The following CCSER1 variants were observed in gnomAD, a reference collection of about 807,000 sequenced individuals.
The protein encoded by CCSER1 is serine-rich coiled-coil domain-containing protein 1.
Under a neutral mutation model 82.0 loss-of-function variants are expected in CCSER1, and 41 were observed. The ratio of observed to expected loss-of-function variants is 0.50; its 90% CI spans 0.39 to 0.65. CCSER1 has a LOEUF of 0.65. Among genes scored for constraint, CCSER1 ranks in the 30% least tolerant of loss-of-function variants. The probability of loss-of-function intolerance (pLI) is 0.00; values close to 1 mark genes in which losing one functional copy is unlikely to be tolerated. For synonymous variants in CCSER1, 414 were observed against 383.9 expected (o/e 1.08, Z -0.92); for missense variants, 1,119 against 1,064.2 (o/e 1.05, Z -0.72).
chr4:90,697,286 A>T (rs542388346), intron 6 of CCSER1, among the ~76,000 whole-genome samples: 1 of 152,190 alleles, frequency 6.6e-6, no homozygotes, highest in Admixed American at 6.6e-5. Flanking sequence ...ATTATACATC[A>T]AAAGTTTCAG....
At chr4:91,013,047 G>A (rs1343529314) in intron 9 of CCSER1, among the ~76,000 whole-genome samples, 1 of 134,348 alleles carries the variant, frequency 7.4e-6, no homozygotes. Flanking sequence ...CTCCTTTGAT[G>A]TACTCCAGTG....
chr4:91,228,055 G>A (rs534038177), intron 10 of CCSER1, among the ~76,000 whole-genome samples: 1 of 152,006 alleles, frequency 6.6e-6, no homozygotes, highest in Admixed American at 6.6e-5. Context: ...AACCACTCTT[G>A]TACTTGACCA....
chr4:91,040,178 A>ACACAT (rs1741839718), intron 9 of CCSER1, among the ~76,000 whole-genome samples: 2 of 152,216 alleles, frequency 1.3e-5, no homozygotes, highest in Non-Finnish European at 2.9e-5. Flanking sequence ...GCTGTGTCTG[A>ACACAT]GAATATCTTA....
intron 1 of CCSER1, among the ~76,000 whole-genome samples, chr4:90,140,657 C>CTTTT (rs34194245): frequency 4.7e-5 from 3 of 63,602 alleles, no homozygotes; most frequent in African/African-American, 6.8e-5. Flanking sequence ...TTTTGGTCTA[C>CTTTT]TTTTTTTTTT....
At chr4:90,820,113 CTT>C (rs1561194788) in intron 8 of CCSER1, among the ~76,000 whole-genome samples, 3 of 152,138 alleles carry the variant, frequency 2.0e-5, no homozygotes, top group African/African-American at 7.2e-5. Context: ...GGGGCCTTAG[CTT>C]TCTTTACTTG....
At chr4:90,551,706 C>CTCTCTCTCTCTCTATATATATATATATA in intron 5 of CCSER1, among the ~76,000 whole-genome samples, 8 of 104,234 alleles carry the variant, frequency 7.7e-5, no homozygotes, top group African/African-American at 2.7e-4. Flanking sequence ...CTCTCTCTCT[C>CTCTCTCTCTCTCTATATATATATATATA]TATATATATA....
intron 10 of CCSER1, among the ~76,000 whole-genome samples, chr4:91,562,156 G>T (rs1211130415): frequency 6.6e-6 from 1 of 151,248 alleles, no homozygotes; most frequent in African/African-American, 2.4e-5. Context: ...ATTTTCTTTT[G>T]TCAATCACTG....
chr4:90,325,145 T>C (rs1457216795), intron 3 of CCSER1, among the ~76,000 whole-genome samples: 3 of 152,224 alleles, frequency 2.0e-5, no homozygotes, highest in Non-Finnish European at 4.4e-5. Flanking sequence ...CTTGCCTGAA[T>C]ATTTGTTCAG....
rs556576595 is a variant in CCSER1 at position 91,221,980 on chromosome 4, A to T, written c.2217+135986A>T. On this transcript the variant is annotated intron_variant, in intron 10 of 10. Transcript: ENST00000509176. Reference sequence around the variant, plus strand: ...GTTTTACTATAACTGAATATTCTGAATCTATTAAATATATTCTCTAATGCA... The same window carrying T: ...GTTTTACTATAACTGAATATTCTGATTCTATTAAATATATTCTCTAATGCA... Among the ~76,000 whole-genome samples the T allele has an allele frequency of 2.0e-4, 31 of 152,222 alleles. 1 individual carries two copies. The South Asian group carries it at 6.0e-3, about 30-fold the overall frequency.
intron 10 of CCSER1, among the ~76,000 whole-genome samples, chr4:91,271,502 G>A (rs1170777255): frequency 6.6e-6 from 1 of 152,052 alleles, no homozygotes; most frequent in African/African-American, 2.4e-5. Flanking sequence ...CCACTTATGA[G>A]TGAGAACATA....
At chr4:91,390,061 AT>A (rs1307800512) in intron 10 of CCSER1, among the ~76,000 whole-genome samples, 1 of 151,838 alleles carries the variant, frequency 6.6e-6, no homozygotes, top group Non-Finnish European at 1.5e-5. Context: ...CGTATGTTTT[AT>A]TTCCTTTCCA....
chr4:91,342,852 G>C (rs928028174), intron 10 of CCSER1, among the ~76,000 whole-genome samples: 8 of 151,828 alleles, frequency 5.3e-5, no homozygotes, highest in Non-Finnish European at 4.4e-5. Flanking sequence ...GTTTTATTTG[G>C]TTTCTTTACA....
intron 6 of CCSER1, among the ~76,000 whole-genome samples, chr4:90,691,610 A>C (rs11930577): frequency 7.2e-6 from 1 of 139,340 alleles, no homozygotes; most frequent in African/African-American, 2.5e-5. Flanking sequence ...TGTATATATC[A>C]CATGTATATA....
At position 91,601,943 on chromosome 4, in the gene CCSER1, A is replaced by G. The variant is rs1202246167; in HGVS notation, c.*2886A>G. ...TATGAACTCAATGATTTTTTTCCATAAAATTATATGCTAAGAGAGTCACCA... is the reference window on the plus strand; with the variant it reads ...TATGAACTCAATGATTTTTTTCCATGAAATTATATGCTAAGAGAGTCACCA... On this transcript the variant is annotated 3_prime_UTR_variant, in exon 11 of 11. Coordinates refer to ENST00000509176, the MANE Select transcript of CCSER1 (RefSeq NM_001145065.2). 1 of 152,026 alleles carries G rather than the reference A, an allele frequency of 6.6e-6. No individual in the cohort carries two copies. The highest frequency in any genetic ancestry group is 2.4e-5 in the African/African-American group (1 of 41,432). 9.4% of individuals were successfully genotyped at this position (152,026 alleles called of 1,614,324 possible).
intron 6 of CCSER1, among the ~76,000 whole-genome samples, chr4:90,702,272 G>A (rs886411308): frequency 6.6e-5 from 10 of 152,066 alleles, no homozygotes; most frequent in South Asian, 2.1e-4. Flanking sequence ...GCTGGATTAC[G>A]TTTATTGGTT....
intron 1 of CCSER1, among the ~76,000 whole-genome samples, chr4:90,302,048 G>T (rs1408286912): frequency 6.6e-6 from 1 of 152,136 alleles, no homozygotes; most frequent in African/African-American, 2.4e-5. Flanking sequence ...TTGTAATTTA[G>T]CATAATTACC....
At chr4:90,921,622 C>T (rs563094420) in intron 8 of CCSER1, among the ~76,000 whole-genome samples, 13 of 152,026 alleles carry the variant, frequency 8.6e-5, no homozygotes, top group Admixed American at 3.3e-4. Context: ...GAGCAGTAAT[C>T]CAGAAGTTAC....
At chr4:90,823,690 T>C (rs1760073545) in intron 8 of CCSER1, among the ~76,000 whole-genome samples, 1 of 151,984 alleles carries the variant, frequency 6.6e-6, no homozygotes, top group Non-Finnish European at 1.5e-5. Flanking sequence ...TTTTAGTTTA[T>C]AATTAAATAT....
intron 6 of CCSER1, among the ~76,000 whole-genome samples, chr4:90,634,065 T>TTAAAAA: frequency 6.6e-6 from 1 of 151,696 alleles, no homozygotes; most frequent in Non-Finnish European, 1.5e-5. Context: ...TTTAAAAAAT[T>TTAAAAA]TTATGATCTA....
Sources: allele counts gnomAD v4.1 joint callset (sites outside exome capture counted in the v4.1 genomes callset), GRCh38; gene constraint gnomAD v4.1.1; transcripts MANE v1.5; gene names NCBI Gene and HGNC (gene_info 2026-07-23, HGNC 2026-07-21).